The following ETV6 variants were observed in gnomAD, a reference collection of about 807,000 sequenced individuals.
ETV6 encodes the protein transcription factor ETV6.
ETV6 carries 16 observed loss-of-function variants against 51.1 expected under a neutral mutation model. The observed-to-expected ratio is 0.31, with a 90% CI of 0.21 to 0.48. The LOEUF (loss-of-function observed/expected upper bound fraction) is 0.48. Ranked by LOEUF, ETV6 falls within the 20% of genes least tolerant of loss-of-function variation. The pLI is 0.99. For synonymous variants in ETV6, 240 were observed against 224.1 expected, an observed-to-expected ratio of 1.07 and a Z score of -0.64; for missense variants, 458 against 594.8, an observed-to-expected ratio of 0.77 and a Z score of 2.39.
intron 1 of ETV6, among the ~76,000 whole-genome samples, chr12:11,727,699 A>T (rs937771842): frequency 2.0e-5 from 3 of 152,246 alleles, no homozygotes; most frequent in Non-Finnish European, 4.4e-5. Context: ...TATAGGTTGC[A>T]TCACAGGCAG....
At chr12:11,719,364 C>A (rs1202085222) in intron 1 of ETV6, among the ~76,000 whole-genome samples, 1 of 152,178 alleles carries the variant, frequency 6.6e-6, no homozygotes, top group African/African-American at 2.4e-5. Flanking sequence ...CAAACATAGA[C>A]CCACGAAAGA....
At chr12:11,732,467 C>G (rs1417323401) in intron 1 of ETV6, among the ~76,000 whole-genome samples, 1 of 152,078 alleles carries the variant, frequency 6.6e-6, no homozygotes, top group Non-Finnish European at 1.5e-5. Context: ...AGGAGAGGTT[C>G]AAAAAGAAAA....
intron 2 of ETV6, among the ~76,000 whole-genome samples, chr12:11,790,102 T>TC (rs2136384295): frequency 6.6e-6 from 1 of 151,638 alleles, no homozygotes; most frequent in African/African-American, 2.4e-5. Flanking sequence ...CAGCACTTCT[T>TC]TTTTTTTTGT....
intron 1 of ETV6, among the ~76,000 whole-genome samples, chr12:11,702,456 G>C (rs976392582): frequency 1.1e-4 from 16 of 152,172 alleles, no homozygotes; most frequent in African/African-American, 3.6e-4. Flanking sequence ...CACTTGGAAG[G>C]ATAGTTTTTC....
chr12:11,845,987 G>T (rs1156299818), intron 3 of ETV6, among the ~76,000 whole-genome samples: 1 of 131,642 alleles, frequency 7.6e-6, no homozygotes, highest in African/African-American at 2.8e-5. Flanking sequence ...GTGAGACTCC[G>T]TCTCAAAAAA....
intron 1 of ETV6, among the ~76,000 whole-genome samples, chr12:11,673,523 C>T (rs1309420003): frequency 1.3e-5 from 2 of 152,072 alleles, no homozygotes; most frequent in African/African-American, 4.8e-5. Flanking sequence ...CAGGTCTAGA[C>T]CTGGAGTTTT....
chr12:11,806,959 T>C (rs1197232611), intron 2 of ETV6, among the ~76,000 whole-genome samples: 1 of 152,258 alleles, frequency 6.6e-6, no homozygotes, highest in Non-Finnish European at 1.5e-5. Context: ...GCAGTGACTT[T>C]TAATAGGTCT....
chr12:11,659,963 C>T (rs1268836327), intron 1 of ETV6, among the ~76,000 whole-genome samples: 1 of 152,132 alleles, frequency 6.6e-6, no homozygotes, highest in East Asian at 1.9e-4. Context: ...CACAAAAATA[C>T]AGCTAGATAG....
intron 2 of ETV6, among the ~76,000 whole-genome samples, chr12:11,800,899 AGACCCT>A (rs200901216): frequency 0.034 from 5,202 of 152,268 alleles, 114 homozygotes; most frequent in Non-Finnish European, 0.053. Context: ...CAACATAGCC[AGACCCT>A]GTCTCATATT....
chr12:11,890,309 T>C (rs974606995), intron 7 of ETV6, among the ~76,000 whole-genome samples: 3 of 150,196 alleles, frequency 2.0e-5, no homozygotes, highest in Non-Finnish European at 3.0e-5. Flanking sequence ...CTGTAAAATC[T>C]AATTCTGTAA....
In ETV6 at chr12:11,894,316, T is replaced by TGACCC. The variant is rs1232990212; in HGVS notation, c.*3270_*3271insGACCC. 1.3e-4 allele frequency: 31 copies of TGACCC among 232,932 alleles called. No homozygotes were observed. Among genetic ancestry groups the TGACCC allele is most frequent in the Admixed American group, 5.6e-5 (1 of 17,766 alleles). The allele number at this position is 232,932 out of a possible 1,614,324, so 14.4% of individuals were successfully genotyped here. A position where few individuals can be genotyped will look rare whatever the true frequency, so the allele number is the denominator to read the frequency against. ...GTGCATTCTCACTTGGGTCTTGAAG[T>TGACCC]TCTCATTCCTACATCTCAAGCTAGC... is the stretch of plus-strand genomic sequence containing the variant. On this transcript the variant is annotated 3_prime_UTR_variant, in exon 8 of 8. Transcript: ENST00000396373.
At chr12:11,752,368 A>G in intron 1 of ETV6, 82 bp from the exon 2 acceptor site, 1 of 1,496,152 alleles carries the variant, frequency 6.7e-7, no homozygotes. Flanking sequence ...TTTGCTCCCC[A>G]CCCCGAGATG....
intron 2 of ETV6, among the ~76,000 whole-genome samples, chr12:11,809,538 G>A (rs907473450): frequency 1.3e-5 from 2 of 152,032 alleles, no homozygotes; most frequent in African/African-American, 4.8e-5. Context: ...TAATTACCTC[G>A]AACTGTATAT....
intron 4 of ETV6, among the ~76,000 whole-genome samples, chr12:11,868,799 A>T (rs1308493399): frequency 6.6e-6 from 1 of 152,142 alleles, no homozygotes; most frequent in East Asian, 1.9e-4. Flanking sequence ...CCACCTCTGA[A>T]AGCGACGTAG....
chr12:11,767,825 A>C (rs1591659959), intron 2 of ETV6, among the ~76,000 whole-genome samples: 1 of 152,236 alleles, frequency 6.6e-6, no homozygotes, highest in East Asian at 1.9e-4. Context: ...ACACTTTTTT[A>C]ATAAGTATAT....
intron 4 of ETV6, among the ~76,000 whole-genome samples, chr12:11,864,892 C>A (rs569154437): frequency 5.4e-4 from 83 of 152,294 alleles, no homozygotes; most frequent in South Asian, 2.3e-3. Context: ...TGTGGTCTAC[C>A]TCCTCTCTCC....
intron 2 of ETV6, among the ~76,000 whole-genome samples, chr12:11,805,242 C>T (rs552088552): frequency 6.6e-6 from 1 of 152,160 alleles, no homozygotes; most frequent in Non-Finnish European, 1.5e-5. Context: ...GGTATCTCCC[C>T]CTGCAGGCAG....
intron 1 of ETV6, among the ~76,000 whole-genome samples, chr12:11,679,492 G>A (rs989985635): frequency 2.6e-5 from 4 of 152,142 alleles, no homozygotes; most frequent in Admixed American, 1.3e-4. Context: ...CTTTTCATCC[G>A]TTCCATAGGT....
chr12:11,783,889 A>T (rs1220701504), intron 2 of ETV6, among the ~76,000 whole-genome samples: 1 of 152,106 alleles, frequency 6.6e-6, no homozygotes, highest in Non-Finnish European at 1.5e-5. Flanking sequence ...GAAGCCAAAG[A>T]TACAGGAGGT....
Sources: gnomAD v4.1 joint callset for allele counts (sites outside exome capture counted in the v4.1 genomes callset) on GRCh38, gnomAD v4.1.1 for gene constraint, MANE v1.5 for transcripts, NCBI Gene and HGNC (gene_info 2026-07-23, HGNC 2026-07-21) for gene names.